Variants in TIAM2 observed in about 807,000 individuals in gnomAD.
TIAM2 encodes the protein TIAM Rac1 associated GEF 2.
Under a neutral mutation model 152.9 loss-of-function variants are expected in TIAM2, and 80 were observed. The observed-to-expected ratio is 0.52, with a 90% confidence interval of 0.44 to 0.63. TIAM2 has a LOEUF of 0.63. TIAM2 is among the 30% of genes least tolerant of loss of function. TIAM2 has a pLI of 0.00. For missense variants in TIAM2, 1,965 were observed against 2,120.1 expected (o/e 0.93, Z 1.44); for synonymous variants, 804 against 838.0 (o/e 0.96, Z 0.70).
chr6:155,204,167 C>A (rs1781543613), intron 14 of TIAM2, among the ~76,000 whole-genome samples: 1 of 152,104 alleles, frequency 6.6e-6, no homozygotes, highest in African/African-American at 2.4e-5. Context: ...TAGGAATTAC[C>A]TCGATTTTAC....
chr6:155,026,922 T>C (rs1186285112), intron 1 of TIAM2, among the ~76,000 whole-genome samples: 1 of 152,226 alleles, frequency 6.6e-6, no homozygotes, highest in Non-Finnish European at 1.5e-5. Flanking sequence ...TCATTTGTTA[T>C]AGTGCACATC....
intron 14 of TIAM2, among the ~76,000 whole-genome samples, chr6:155,189,948 C>T (rs1221947682): frequency 2.0e-5 from 3 of 152,008 alleles, no homozygotes; most frequent in South Asian, 2.1e-4. Context: ...GAGGGAAGGG[C>T]CTTTCACATA....
At chr6:154,998,315 A>G (rs965679695) in intron 1 of TIAM2, among the ~76,000 whole-genome samples, 22 of 152,246 alleles carry the variant, frequency 1.4e-4, no homozygotes, top group Admixed American at 1.1e-3. Flanking sequence ...CGTTTTGTAT[A>G]TAAGAATTTA....
rs1287855717 is a variant in TIAM2 at position 155,129,163 on chromosome 6, A to G, written c.-6-55A>G. ...GGCATTCTTTTTAGAAAGTTCTGTC[A>G]TAATGGAATGTAATTTAGGCCACGG... On this transcript the variant is annotated intron_variant, in intron 3 of 26. Transcript: ENST00000682666. The surrounding 1 kb of genome is among the most constrained non-coding windows in gnomAD (Gnocchi z 4.8). The G allele has an allele frequency of 6.6e-7, 1 of 1,515,230 alleles. No homozygotes were observed. The highest frequency in any genetic ancestry group is 1.4e-5 in the African/African-American group (1 of 72,570). 93.9% of individuals were successfully genotyped at this position (1,515,230 alleles called of 1,614,324 possible).
intron 15 of TIAM2, among the ~76,000 whole-genome samples, chr6:155,238,886 A>G (rs1224808383): frequency 6.6e-6 from 1 of 152,202 alleles, no homozygotes; most frequent in Non-Finnish European, 1.5e-5. Context: ...AATTGAACTG[A>G]AAGACTAGCC....
chr6:155,081,090 C>G (rs1778052424), intron 1 of TIAM2, among the ~76,000 whole-genome samples: 1 of 152,134 alleles, frequency 6.6e-6, no homozygotes, highest in Non-Finnish European at 1.5e-5. Flanking sequence ...GCTTTGTCTA[C>G]AGGAAGGAAA....
At chr6:155,074,921 C>T (rs1045035658) in intron 1 of TIAM2, among the ~76,000 whole-genome samples, 2 of 149,454 alleles carry the variant, frequency 1.3e-5, no homozygotes, top group Non-Finnish European at 3.0e-5. Flanking sequence ...GACCTTCTGA[C>T]CACAGCGCTG....
At chr6:155,245,517 A>AT (rs1783266425) in intron 18 of TIAM2, 106 bp from the exon 19 acceptor site, 2 of 930,978 alleles carry the variant, frequency 2.1e-6, no homozygotes, top group East Asian at 2.4e-5. Context: ...TCTCCAAGGC[A>AT]TTAGTGCTAT....
At chr6:155,136,043 A>C (rs183911538) in intron 4 of TIAM2, among the ~76,000 whole-genome samples, 13 of 151,730 alleles carry the variant, frequency 8.6e-5, no homozygotes, top group Admixed American at 2.0e-4. Context: ...AAAAATACAA[A>C]ATTAGCCAGG....
At chr6:155,182,752 G>T (rs1476433045) in intron 13 of TIAM2, among the ~76,000 whole-genome samples, 1 of 152,148 alleles carries the variant, frequency 6.6e-6, no homozygotes, top group Admixed American at 6.6e-5. Context: ...GACACGGATG[G>T]AACAAAGTTA....
chr6:155,242,626 T>G lies in TIAM2; in HGVS notation c.3349-1385T>G, dbSNP rs79764742. Among the ~76,000 whole-genome samples, 387 of 152,370 alleles carry G rather than the reference T, an allele frequency of 2.5e-3. 11 individuals are homozygous for G. The South Asian group carries it at 0.039, about 15-fold the overall frequency. ...CTCTTGGGAAGTGAGGGAGTTATTA[T>G]AGCTGACTTTGCAGTCAACTGCTTC... On this transcript the variant is annotated intron_variant, in intron 16 of 26. Coordinates refer to ENST00000682666, the MANE Select transcript of TIAM2 (RefSeq NM_012454.4).
chr6:155,053,252 T>C (rs1399537758), intron 1 of TIAM2, among the ~76,000 whole-genome samples: 1 of 152,134 alleles, frequency 6.6e-6, no homozygotes, highest in Non-Finnish European at 1.5e-5. Context: ...AGGCAACAGA[T>C]AGGTAAGATG....
intron 1 of TIAM2, among the ~76,000 whole-genome samples, chr6:155,042,167 TG>T (rs1777060686): frequency 6.6e-6 from 1 of 151,718 alleles, no homozygotes; most frequent in Non-Finnish European, 1.5e-5. Flanking sequence ...CTGCCTCAGG[TG>T]TCATAATCCT....
chr6:155,202,650 ACTC>A (rs543282319), intron 14 of TIAM2, among the ~76,000 whole-genome samples: 1 of 146,664 alleles, frequency 6.8e-6, no homozygotes, highest in South Asian at 2.2e-4. Context: ...GGTCTTGTGA[ACTC>A]CTGACCGCAA....
At chr6:155,206,821 TGAGA>T (rs1781607257) in intron 14 of TIAM2, among the ~76,000 whole-genome samples, 1 of 152,204 alleles carries the variant, frequency 6.6e-6, no homozygotes, top group Non-Finnish European at 1.5e-5. Flanking sequence ...AGAAATGTGA[TGAGA>T]AAGACAAAAG....
rs564649561 is a variant in TIAM2 at position 155,059,744 on chromosome 6, G to C, written c.-208-30545G>C. Among the ~76,000 whole-genome samples the C allele has an allele frequency of 2.6e-5, 4 of 152,252 alleles. No homozygotes were observed. In the East Asian group the frequency reaches 7.7e-4, roughly 29 times the overall value. Reference sequence around the variant, plus strand: ...ATGATATTAACACGACTTACTACTGGTGACATTAACCTTGATCAGTTGGTT... The same window carrying C: ...ATGATATTAACACGACTTACTACTGCTGACATTAACCTTGATCAGTTGGTT... On this transcript the variant is annotated intron_variant, in intron 1 of 26. Transcript: ENST00000682666.
chr6:155,194,991 C>T (rs1781304061), intron 14 of TIAM2, among the ~76,000 whole-genome samples: 1 of 152,180 alleles, frequency 6.6e-6, no homozygotes, highest in Non-Finnish European at 1.5e-5. Context: ...TTTGCGTCCC[C>T]TTCCACCATG....
At chr6:155,057,013 CTTTCTT>C (rs1777466685) in intron 1 of TIAM2, among the ~76,000 whole-genome samples, 1 of 40,424 alleles carries the variant, frequency 2.5e-5, no homozygotes, top group African/African-American at 8.1e-5. Context: ...CCTCAGTTTT[CTTTCTT>C]TTTTTTTTTT....
At chr6:155,098,333 T>C (rs1355547913) in intron 2 of TIAM2, among the ~76,000 whole-genome samples, 1 of 152,232 alleles carries the variant, frequency 6.6e-6, no homozygotes, top group East Asian at 1.9e-4. Context: ...CATTTTCTAA[T>C]GTGTCCTCTT....
Sources: allele counts gnomAD v4.1 joint callset (sites outside exome capture counted in the v4.1 genomes callset), GRCh38; gene constraint gnomAD v4.1.1; non-coding constraint Gnocchi (gnomAD v3.1); transcripts MANE v1.5; gene names NCBI Gene and HGNC (gene_info 2026-07-23, HGNC 2026-07-21).